The following NRXN1 variants were observed in gnomAD, a reference collection of about 807,000 sequenced individuals.
NRXN1 encodes the protein neurexin-1.
In NRXN1, 39 loss-of-function variants were observed where a neutral mutation model predicts 150.9. The observed-to-expected ratio is 0.26, with a 90% CI of 0.20 to 0.34. The LOEUF (loss-of-function observed/expected upper bound fraction) is 0.34, where lower values mean the gene tolerates loss of function less well. Among genes scored for constraint, NRXN1 ranks in the 10% least tolerant of loss-of-function variants. The pLI, the probability that NRXN1 is intolerant of heterozygous loss-of-function variation, is 1.00. For missense variants in NRXN1, 1,815 were observed against 1,949.9 expected (o/e 0.93, Z 1.30); for synonymous variants, 924 against 757.0 (o/e 1.22, Z -3.62).
At chr2:50,311,941 G>C (rs141376081) in intron 17 of NRXN1, among the ~76,000 whole-genome samples, 1 of 152,126 alleles carries the variant, frequency 6.6e-6, no homozygotes, top group African/African-American at 2.4e-5. Context: ...AGTCAAAATG[G>C]TTTAATCATG....
chr2:50,746,132 A>ATTG (rs901488201), intron 5 of NRXN1, among the ~76,000 whole-genome samples: 17 of 152,160 alleles, frequency 1.1e-4, no homozygotes, highest in African/African-American at 4.1e-4. Flanking sequence ...CCGTAGAAAA[A>ATTG]TTGTTATGCA....
chr2:49,931,471 T>G (rs1419746015), intron 22 of NRXN1, among the ~76,000 whole-genome samples: 5 of 151,976 alleles, frequency 3.3e-5, no homozygotes, highest in Non-Finnish European at 7.4e-5. Context: ...TACATCAACA[T>G]CATCTGACAC....
chr2:50,715,650 T>A (rs942597009), intron 5 of NRXN1, among the ~76,000 whole-genome samples: 8 of 152,186 alleles, frequency 5.3e-5, no homozygotes. Flanking sequence ...AGTGAAGTCA[T>A]CGTCCCCCAT....
intron 5 of NRXN1, among the ~76,000 whole-genome samples, chr2:50,766,669 A>T (rs3914725): frequency 0.89 from 134,811 of 152,022 alleles, 59,840 homozygotes; most frequent in Middle Eastern, 0.91. Flanking sequence ...CTATCCTACC[A>T]CAGCCGTGCA....
chr2:50,947,797 A>T (rs1348526154), intron 2 of NRXN1, among the ~76,000 whole-genome samples: 2 of 152,044 alleles, frequency 1.3e-5, no homozygotes, highest in Non-Finnish European at 2.9e-5. Context: ...AGTGAAATAG[A>T]CATGTATAAT....
chr2:50,064,136 A>C (rs767261406), intron 19 of NRXN1, among the ~76,000 whole-genome samples: 1 of 152,058 alleles, frequency 6.6e-6, no homozygotes, highest in Non-Finnish European at 1.5e-5. Context: ...TCCACTAATT[A>C]CATATGTGTG....
At chr2:50,301,229 A>G (rs1207792179) in intron 17 of NRXN1, among the ~76,000 whole-genome samples, 1 of 152,188 alleles carries the variant, frequency 6.6e-6, no homozygotes, top group African/African-American at 2.4e-5. Context: ...CAAACACACT[A>G]TAGCCCTTAC....
chr2:50,425,935 C>G (rs1296520397), intron 17 of NRXN1, among the ~76,000 whole-genome samples: 2 of 152,188 alleles, frequency 1.3e-5, no homozygotes, highest in Non-Finnish European at 1.5e-5. Flanking sequence ...AGGAGGCACA[C>G]TGGGCATGCC....
chr2:50,981,137 TA>T (rs1404709077), intron 2 of NRXN1, among the ~76,000 whole-genome samples: 12 of 152,110 alleles, frequency 7.9e-5, no homozygotes, highest in African/African-American at 2.9e-4. Flanking sequence ...GATTCTGAAA[TA>T]AAATGCTTAT....
intron 5 of NRXN1, among the ~76,000 whole-genome samples, chr2:50,916,195 T>C (rs1323719401): frequency 6.6e-6 from 1 of 150,914 alleles, no homozygotes; most frequent in Non-Finnish European, 1.5e-5. Flanking sequence ...TTCTATATTA[T>C]GATAGTTATT....
chr2:50,576,085 G>A lies in NRXN1; in HGVS notation c.1321-23060C>T, dbSNP rs1216312078. ...ATGTGATTATTACTAGTATTTACCA[G>A]TGCATTTAAACTTCACTAGATTCAT... is the stretch of plus-strand genomic sequence containing the variant. On this transcript the variant is annotated intron_variant, in intron 8 of 22. Transcript: ENST00000401669. Among the ~76,000 whole-genome samples the A allele has an allele frequency of 2.0e-5, 3 of 152,078 alleles. No individual in the cohort carries two copies. In the South Asian group the frequency reaches 6.2e-4, roughly 32 times the overall value.
chr2:50,634,772 A>G (rs774480236), intron 5 of NRXN1, among the ~76,000 whole-genome samples: 22 of 152,092 alleles, frequency 1.4e-4, no homozygotes, highest in Non-Finnish European at 2.5e-4. Context: ...CTTCCAGTTT[A>G]TTGGGAAGGA....
Position 50,347,328 on chromosome 2 carries a change from G to C in NRXN1, c.3365-110358C>G, listed in dbSNP as rs200480554. 9 of 1,249,740 alleles carry C rather than the reference G, an allele frequency of 7.2e-6. No homozygotes were observed. The highest frequency in any genetic ancestry group is 1.6e-5 in the African/African-American group (1 of 64,510). 77.4% of individuals were successfully genotyped at this position (1,249,740 alleles called of 1,614,324 possible). ...CCGGCGGGTGGGGGGCCGAGAAATT[G>C]TTTAAAGCTCCTCCTGGAAGGTCCT... On this transcript the variant is annotated intron_variant, in intron 17 of 22. Coordinates refer to ENST00000401669, the MANE Select transcript of NRXN1 (RefSeq NM_001330078.2). The surrounding 1 kb of genome is among the most constrained non-coding windows in gnomAD (Gnocchi z 4.9).
chr2:50,550,956 C>G (rs924143056), intron 9 of NRXN1, among the ~76,000 whole-genome samples: 1 of 151,626 alleles, frequency 6.6e-6, no homozygotes, highest in Non-Finnish European at 1.5e-5. Context: ...GCTGGGATTA[C>G]GGGCGTGAGC....
At chr2:50,071,796 C>G (rs1269538867) in intron 19 of NRXN1, among the ~76,000 whole-genome samples, 1 of 152,108 alleles carries the variant, frequency 6.6e-6, no homozygotes, top group Non-Finnish European at 1.5e-5. Context: ...ATTTTGCTGC[C>G]AGTTGCTAAA....
At chr2:49,938,424 T>C (rs1215235246) in intron 22 of NRXN1, among the ~76,000 whole-genome samples, 1 of 152,238 alleles carries the variant, frequency 6.6e-6, no homozygotes, top group Non-Finnish European at 1.5e-5. Flanking sequence ...ATGATTCCTC[T>C]GATAGGCAAT....
At chr2:49,977,497 C>G in intron 21 of NRXN1, among the ~76,000 whole-genome samples, 1 of 152,100 alleles carries the variant, frequency 6.6e-6, no homozygotes, top group Non-Finnish European at 1.5e-5. Context: ...ACCTTCTTTC[C>G]GAAAGATTAA....
intron 18 of NRXN1, among the ~76,000 whole-genome samples, chr2:50,233,136 A>C (rs1054152994): frequency 1.3e-5 from 2 of 152,084 alleles, no homozygotes; most frequent in East Asian, 1.9e-4. Flanking sequence ...AAATCTATTA[A>C]ATTCTTTCAG....
chr2:50,925,925 A>G lies in NRXN1; in HGVS notation c.790+13T>C. 1 of 1,568,234 alleles carries G rather than the reference A, an allele frequency of 6.4e-7. No homozygotes were observed. The highest frequency in any genetic ancestry group is 8.7e-7 in the Non-Finnish European group (1 of 1,154,118). On this transcript the variant is annotated intron_variant, in intron 3 of 22. Coordinates refer to ENST00000401669, the MANE Select transcript of NRXN1 (RefSeq NM_001330078.2). Reference sequence around the variant, plus strand: ...CAAATGAGAGTTGGAAAAATAAGGTAGAAAGCACCCACCTTCCACATTGTT... The same window carrying G: ...CAAATGAGAGTTGGAAAAATAAGGTGGAAAGCACCCACCTTCCACATTGTT...
Sources: allele counts gnomAD v4.1 joint callset (sites outside exome capture counted in the v4.1 genomes callset), GRCh38; gene constraint gnomAD v4.1.1; non-coding constraint Gnocchi (gnomAD v3.1); transcripts MANE v1.5; gene names NCBI Gene and HGNC (gene_info 2026-07-23, HGNC 2026-07-21).